NKAIN3: variants seen among roughly 807,000 people sequenced by gnomAD.
The protein encoded by NKAIN3 is sodium/potassium transporting ATPase interacting 3.
Under a neutral mutation model 30.2 loss-of-function variants are expected in NKAIN3, and 25 were observed. The observed-to-expected ratio is 0.83, with a 90% CI of 0.60 to 1.16. NKAIN3 has a LOEUF of 1.16. NKAIN3 is among the 50% of genes most tolerant of loss of function. NKAIN3 has a pLI of 0.00. For missense variants in NKAIN3, 225 were observed against 254.1 expected (o/e 0.89, Z 0.78); for synonymous variants, 91 against 89.6 (o/e 1.02, Z -0.09).
At chr8:62,718,089 C>G (rs902268007) in intron 3 of NKAIN3, among the ~76,000 whole-genome samples, 1 of 152,178 alleles carries the variant, frequency 6.6e-6, no homozygotes, top group Non-Finnish European at 1.5e-5. Flanking sequence ...CCTAATAAAC[C>G]TGTCAGATCT....
At chr8:62,750,548 G>A (rs962438448) in intron 4 of NKAIN3, among the ~76,000 whole-genome samples, 1 of 152,106 alleles carries the variant, frequency 6.6e-6, no homozygotes, top group Non-Finnish European at 1.5e-5. Flanking sequence ...CTTGCTTGGC[G>A]CAGAGGCCCC....
At chr8:62,745,846 A>G (rs931710301) in intron 3 of NKAIN3, among the ~76,000 whole-genome samples, 2 of 152,206 alleles carry the variant, frequency 1.3e-5, no homozygotes, top group Non-Finnish European at 1.5e-5. Context: ...GGGGGAAGAC[A>G]GCAAGTAATG....
At chr8:62,989,858 T>A (rs566694957), downstream of NKAIN3, among the ~76,000 whole-genome samples, 1 of 152,310 alleles carries the variant, frequency 6.6e-6, no homozygotes, top group South Asian at 2.1e-4. Context: ...TATGACATCA[T>A]GAATTCTCTG....
chr8:62,500,463 AAGAAAGAAAGAAAG>A (rs1807399983), intron 1 of NKAIN3, among the ~76,000 whole-genome samples: 1 of 142,920 alleles, frequency 7.0e-6, no homozygotes, highest in African/African-American at 2.8e-5. Flanking sequence ...GAAAGAAAGA[AAGAAAGAAAGAAAG>A]AAAGAAAGAA....
At chr8:62,374,568 T>G (rs1272767995) in intron 1 of NKAIN3, among the ~76,000 whole-genome samples, 2 of 152,224 alleles carry the variant, frequency 1.3e-5, no homozygotes, top group African/African-American at 2.4e-5. Context: ...GTGTGAACCA[T>G]GAAATAAGAG....
intron 3 of NKAIN3, among the ~76,000 whole-genome samples, chr8:62,607,711 G>A (rs1039719969): frequency 1.4e-4 from 21 of 151,886 alleles, no homozygotes; most frequent in African/African-American, 5.1e-4. Flanking sequence ...TTTGTGAAAA[G>A]GTGAAATGAA....
At chr8:62,339,647 T>C (rs1483702738) in intron 1 of NKAIN3, among the ~76,000 whole-genome samples, 2 of 152,094 alleles carry the variant, frequency 1.3e-5, no homozygotes, top group Non-Finnish European at 2.9e-5. Flanking sequence ...ATTCATCTTT[T>C]TCTTTAAAAA....
chr8:62,756,403 TC>T (rs1816453468), intron 4 of NKAIN3, among the ~76,000 whole-genome samples: 1 of 152,198 alleles, frequency 6.6e-6, no homozygotes, highest in Non-Finnish European at 1.5e-5. Flanking sequence ...TATCAGAACT[TC>T]CTTTTTTATG....
At chr8:62,710,797 T>G (rs1350590184) in intron 3 of NKAIN3, among the ~76,000 whole-genome samples, 1 of 152,014 alleles carries the variant, frequency 6.6e-6, no homozygotes, top group Non-Finnish European at 1.5e-5. Context: ...TTTTCTTTTT[T>G]GTTTTTGTTT....
intron 4 of NKAIN3, among the ~76,000 whole-genome samples, chr8:62,857,361 C>T (rs545447744): frequency 9.1e-4 from 139 of 152,136 alleles, no homozygotes; most frequent in Non-Finnish European, 3.2e-4. Context: ...TACTGGAGTT[C>T]TCTGCATTTC....
intron 1 of NKAIN3, among the ~76,000 whole-genome samples, chr8:62,351,029 GCAAT>G (rs1816163383): frequency 6.6e-6 from 1 of 151,272 alleles, no homozygotes; most frequent in African/African-American, 2.4e-5. Flanking sequence ...ATCAAGCAGA[GCAAT>G]CAGACAGAAG....
At chr8:62,763,315 C>T (rs1816733240) in intron 4 of NKAIN3, among the ~76,000 whole-genome samples, 1 of 145,362 alleles carries the variant, frequency 6.9e-6, no homozygotes, top group Non-Finnish European at 1.5e-5. Flanking sequence ...AGTATGCCTT[C>T]TCAGATTGGA....
At chr8:62,924,194 C>T (rs1401002579) in intron 5 of NKAIN3, among the ~76,000 whole-genome samples, 1 of 152,122 alleles carries the variant, frequency 6.6e-6, no homozygotes, top group Non-Finnish European at 1.5e-5. Flanking sequence ...AGAGAGGCCT[C>T]CTCCCTCTGT....
intron 1 of NKAIN3, among the ~76,000 whole-genome samples, chr8:62,301,333 A>G (rs143500714): frequency 2.4e-3 from 359 of 152,210 alleles, no homozygotes; most frequent in African/African-American, 7.8e-3. Flanking sequence ...GTATTTGCCA[A>G]TTGGACAGCT....
At chr8:62,419,218 G>A (rs1470529397) in intron 1 of NKAIN3, among the ~76,000 whole-genome samples, 1 of 152,126 alleles carries the variant, frequency 6.6e-6, no homozygotes, top group Non-Finnish European at 1.5e-5. Flanking sequence ...ATTGTAGCAG[G>A]CAATTTCATC....
At chr8:62,783,516 A>G (rs561946959) in intron 4 of NKAIN3, among the ~76,000 whole-genome samples, 17 of 152,246 alleles carry the variant, frequency 1.1e-4, no homozygotes, top group Admixed American at 8.5e-4. Flanking sequence ...TAGCAAGGAT[A>G]TAAAAGACCT....
intron 1 of NKAIN3, among the ~76,000 whole-genome samples, chr8:62,450,143 T>A (rs1035904602): frequency 6.6e-6 from 1 of 152,138 alleles, no homozygotes; most frequent in African/African-American, 2.4e-5. Flanking sequence ...CAAAATTATG[T>A]GAGAATGATG....
chr8:62,278,297 T>A (rs1813033646), intron 1 of NKAIN3, among the ~76,000 whole-genome samples: 1 of 151,846 alleles, frequency 6.6e-6, no homozygotes, highest in African/African-American at 2.4e-5. Context: ...AAGGGTCACA[T>A]GATAGAACTA....
intron 1 of NKAIN3, among the ~76,000 whole-genome samples, chr8:62,380,884 G>A (rs1174039284): frequency 2.0e-5 from 3 of 152,138 alleles, no homozygotes; most frequent in African/African-American, 7.2e-5. Flanking sequence ...GAGCTCGGTT[G>A]TAAGCCATTC....
Sources: allele counts gnomAD v4.1 joint callset (sites outside exome capture counted in the v4.1 genomes callset), GRCh38; gene constraint gnomAD v4.1.1; transcripts MANE v1.5; gene names NCBI Gene and HGNC (gene_info 2026-07-23, HGNC 2026-07-21).